The following BBS2 variants were observed in gnomAD, a reference collection of about 807,000 sequenced individuals.
The protein encoded by BBS2 is Bardet-Biedl syndrome 2.
BBS2 carries 62 observed loss-of-function variants against 83.0 expected under a neutral mutation model. The observed-to-expected ratio is 0.75, with a 90% CI of 0.61 to 0.92. The LOEUF (loss-of-function observed/expected upper bound fraction) is 0.92. Ranked by LOEUF, BBS2 falls within the 40% of genes least tolerant of loss-of-function variation. BBS2 has a pLI of 0.00. For synonymous variants in BBS2, 303 were observed against 326.1 expected (o/e 0.93, Z 0.76); for missense variants, 784 against 901.0 (o/e 0.87, Z 1.66).
chr16:56,510,335 C>T (rs1964541857), intron 4 of BBS2, among the ~76,000 whole-genome samples: 1 of 152,174 alleles, frequency 6.6e-6, no homozygotes, highest in South Asian at 2.1e-4. Flanking sequence ...TCTCTGCCTA[C>T]AGATGGAAGC....
intron 15 of BBS2, among the ~76,000 whole-genome samples, chr16:56,493,206 G>A (rs1477194114): frequency 6.6e-6 from 1 of 151,944 alleles, no homozygotes; most frequent in Non-Finnish European, 1.5e-5. Flanking sequence ...AGGCAATGTG[G>A]TGAGACCCTG....
At chr16:56,495,766 ATGTGTG>A (rs34446691) in intron 15 of BBS2, among the ~76,000 whole-genome samples, 3,056 of 149,292 alleles carry the variant, frequency 0.02, 85 homozygotes, top group African/African-American at 0.06. Context: ...GTGTGTATAT[ATGTGTG>A]TGTGTGTGTG....
downstream of BBS2, among the ~76,000 whole-genome samples, chr16:56,483,494 T>C (rs1451277708): frequency 1.3e-5 from 2 of 152,158 alleles, no homozygotes; most frequent in African/African-American, 4.8e-5. Flanking sequence ...AGCCACATGA[T>C]TAAAGGAACC....
chr16:56,510,836 G>C (rs749492575), intron 4 of BBS2, 23 bp downstream of exon 4: 76 of 1,612,418 alleles, frequency 4.7e-5, no homozygotes, highest in Non-Finnish European at 2.7e-5. Context: ...ACACACAAGA[G>C]AGATATCTCC....
chr16:56,498,702 T>C, intron 12 of BBS2, 134 bp from the exon 13 acceptor site: 1 of 1,538,232 alleles, frequency 6.5e-7, no homozygotes, highest in South Asian at 1.2e-5. Context: ...TACTGCTTTG[T>C]TGAGAAAAAA....
chr16:56,484,902 G>C (rs376942648), intron 16 of BBS2, 35 bp from the exon 17 acceptor site: 2 of 1,501,436 alleles, frequency 1.3e-6, no homozygotes, highest in Admixed American at 1.7e-5. Context: ...CCAAAAGATT[G>C]TTAGACATGA....
intron 10 of BBS2, 133 bp downstream of exon 10, chr16:56,501,220 G>A (rs1242661968): frequency 1.5e-6 from 2 of 1,344,012 alleles, no homozygotes; most frequent in African/African-American, 2.9e-5. Context: ...TGAGACAGGA[G>A]AATGGCATGA....
At chr16:56,503,864 AGCCGAGATTGC>A (rs1964350101) in intron 7 of BBS2, among the ~76,000 whole-genome samples, 1 of 151,642 alleles carries the variant, frequency 6.6e-6, no homozygotes, top group Non-Finnish European at 1.5e-5. Context: ...GGTTGCAGTG[AGCCGAGATTGC>A]GCCACTGCAC....
rs1478971000 is a variant in BBS2 at position 56,500,925 on chromosome 16, G to A, written c.1326C>T (p.Cys442=). ...CATCTTTGGGAGGCACAATAGGGATGCAGATGGAACTGGAGAGGTTGTGAA... is the reference window on the plus strand; with the variant it reads ...CATCTTTGGGAGGCACAATAGGGATACAGATGGAACTGGAGAGGTTGTGAA... The part of the protein sequence containing the change: ...PSIHNLSSSI[C]IPIVPPKDVP... The change falls in exon 11 of 17, where the codon TGC becomes TGT. Residue 442 remains cysteine (C), a synonymous_variant. Transcript: ENST00000245157. The A allele has an allele frequency of 1.1e-5, 18 of 1,614,066 alleles. No homozygotes were observed. Among genetic ancestry groups the A allele is most frequent in the Non-Finnish European group, 1.5e-5 (18 of 1,180,016 alleles).
At chr16:56,479,328 G>T (rs1234837624) in intron 17 of BBS2, among the ~76,000 whole-genome samples, 2 of 152,164 alleles carry the variant, frequency 1.3e-5, no homozygotes, top group South Asian at 4.1e-4. Flanking sequence ...ACAAAAATTA[G>T]CTGGGTGTGC....
chr16:56,491,789 A>C (rs1597007594), intron 15 of BBS2, among the ~76,000 whole-genome samples: 1 of 151,730 alleles, frequency 6.6e-6, no homozygotes, highest in East Asian at 1.9e-4. Flanking sequence ...ACTTGAATAG[A>C]AATTTCTCCA....
chr16:56,497,784 A>G lies in BBS2; in HGVS notation c.1756T>C (p.Phe586Leu). Reference protein sequence around the residue: ...AIEDLQVEADFPVYFEELRKV... With the variant: ...AIEDLQVEADLPVYFEELRKV... ...CGTAATTCCTCAAAATAGACAGGAAAATCCGCTTCTACTTGAAGGTCTTCA... is the reference window on the plus strand; with the variant it reads ...CGTAATTCCTCAAAATAGACAGGAAGATCCGCTTCTACTTGAAGGTCTTCA... Residue 586 changes from phenylalanine (F) to leucine (L), a missense_variant, in exon 14 of 17, where the codon TTT becomes CTT. By Grantham distance (22) the Phe-to-Leu change is conservative. Transcript: ENST00000245157. 1 of 1,613,556 alleles carries G rather than the reference A, an allele frequency of 6.2e-7. No homozygotes were observed. The highest frequency in any genetic ancestry group is 2.2e-5 in the East Asian group (1 of 44,794).
chr16:56,519,722 C>A (rs1435752986), intron 1 of BBS2, 24 bp downstream of exon 1: 5 of 1,585,254 alleles, frequency 3.2e-6, no homozygotes, highest in Non-Finnish European at 4.3e-6. Flanking sequence ...GGGGCCCGGG[C>A]TCCCTGCGGG....
chr16:56,519,859 G>A lies in BBS2; in HGVS notation c.4C>T (p.Leu2=). 1 of 1,613,244 alleles carries A rather than the reference G, an allele frequency of 6.2e-7. No homozygotes were observed. Among genetic ancestry groups the A allele is most frequent in the Non-Finnish European group, 8.5e-7 (1 of 1,179,274 alleles). M[L]LPVFTLKLRH... is the part of the protein sequence containing the mutation. ...AGTTTCAGGGTGAACACAGGCAGCA[G>A]CATGATGGCGGCGGCTTAGGGGAGG... Residue 2 remains leucine (L), a synonymous_variant, in exon 1 of 17, where the codon CTG becomes TTG. Coordinates refer to ENST00000245157, the MANE Select transcript of BBS2 (RefSeq NM_031885.5).
chr16:56,489,303 T>C (rs1237414020), intron 15 of BBS2, among the ~76,000 whole-genome samples: 2 of 152,168 alleles, frequency 1.3e-5, no homozygotes, highest in African/African-American at 2.4e-5. Flanking sequence ...ATCACACCAC[T>C]GTGCTCCAGC....
chr16:56,502,420 C>T lies in BBS2; in HGVS notation c.977G>A (p.Gly326Asp). 4 of 1,614,184 alleles carry T rather than the reference C, an allele frequency of 2.5e-6. No homozygotes were observed. The South Asian group carries it at 4.4e-5, about 18-fold the overall frequency. The part of the protein sequence containing the change: ...GYLPGTAEMR[G>D]NLMDTSAEQD... ...CTCTGCACTGGTGTCCATGAGGTTGCCCCTCATCTCAGCCGTGCCAGGCAG... is the reference window on the plus strand; with the variant it reads ...CTCTGCACTGGTGTCCATGAGGTTGTCCCTCATCTCAGCCGTGCCAGGCAG... The change falls in exon 9 of 17, where the codon GGC becomes GAC. Residue 326 changes from glycine (G) to aspartate (D), a missense_variant. Transcript: ENST00000245157.
rs574655177 is a variant in BBS2, at chr16:56,488,716, C to A, written c.1911-2978G>T. Among the ~76,000 whole-genome samples the A allele has an allele frequency of 1.3e-4, 20 of 152,016 alleles. No individual in the cohort carries two copies. The South Asian group carries it at 4.0e-3, about 30-fold the overall frequency. On this transcript the variant is annotated intron_variant, in intron 15 of 16. Coordinates refer to ENST00000245157, the MANE Select transcript of BBS2 (RefSeq NM_031885.5). ...GATCAACTTAACTCTCAGCCCCTCT[C>A]CACTCCCTGGAGGTTGGGAGAGGGG... is the stretch of plus-strand genomic sequence containing the variant.
intron 5 of BBS2, among the ~76,000 whole-genome samples, chr16:56,507,397 T>C (rs553977967): frequency 4.2e-4 from 64 of 152,304 alleles, no homozygotes; most frequent in African/African-American, 1.5e-3. Flanking sequence ...TTTTCTAGGA[T>C]TTAGGAAAGA....
At chr16:56,490,656 A>C (rs1335173818) in intron 15 of BBS2, among the ~76,000 whole-genome samples, 1 of 152,024 alleles carries the variant, frequency 6.6e-6, no homozygotes, top group East Asian at 1.9e-4. Context: ...TAAATAAATA[A>C]AGTATTAAGA....
Sources: gnomAD v4.1 joint callset for allele counts (sites outside exome capture counted in the v4.1 genomes callset) on GRCh38, gnomAD v4.1.1 for gene constraint, MANE v1.5 for transcripts, NCBI Gene and HGNC (gene_info 2026-07-23, HGNC 2026-07-21) for gene names.